Variants in EPB41L4A observed in about 807,000 individuals in gnomAD.
The protein encoded by EPB41L4A is erythrocyte membrane protein band 4.1 like 4A, also known as band 4.1-like protein 4A.
Under a neutral mutation model 108.6 loss-of-function variants are expected in EPB41L4A, and 100 were observed. The observed-to-expected ratio is 0.92, with a 90% CI of 0.78 to 1.09. EPB41L4A has a LOEUF of 1.09. Ranked by LOEUF, EPB41L4A falls within the 50% of genes least tolerant of loss-of-function variation. EPB41L4A has a pLI of 0.00. For synonymous variants in EPB41L4A, 319 were observed against 289.0 expected, an observed-to-expected ratio of 1.10 and a Z score of -1.05; for missense variants, 1,030 against 842.7, an observed-to-expected ratio of 1.22 and a Z score of -2.75.
chr5:112,356,604 A>G (rs1482260253), intron 1 of EPB41L4A, among the ~76,000 whole-genome samples: 1 of 152,208 alleles, frequency 6.6e-6, no homozygotes, highest in Non-Finnish European at 1.5e-5. Context: ...CTTCTGCATT[A>G]TTGCCCAGAG....
chr5:112,375,129 G>T (rs976302669), intron 1 of EPB41L4A, among the ~76,000 whole-genome samples: 2 of 152,130 alleles, frequency 1.3e-5, no homozygotes, highest in Non-Finnish European at 2.9e-5. Flanking sequence ...TCCACTGGGT[G>T]ACTTTAAAGG....
At chr5:112,153,584 G>C (rs563083018) in intron 12 of EPB41L4A, among the ~76,000 whole-genome samples, 2 of 147,292 alleles carry the variant, frequency 1.4e-5, no homozygotes, top group Admixed American at 6.8e-5. Flanking sequence ...TATAGAGAGA[G>C]AGAGAGAGAG....
chr5:112,199,174 G>A (rs1419304896), intron 15 of EPB41L4A, among the ~76,000 whole-genome samples: 1 of 152,308 alleles, frequency 6.6e-6, no homozygotes, highest in East Asian at 1.9e-4. Flanking sequence ...TTCCTGCAGT[G>A]AGATTCTCTA....
intron 1 of EPB41L4A, among the ~76,000 whole-genome samples, chr5:112,329,939 G>A (rs1580698556): frequency 6.6e-6 from 1 of 152,046 alleles, no homozygotes; most frequent in East Asian, 1.9e-4. Flanking sequence ...TGTGACTGTC[G>A]GCAAGTCTGC....
Position 112,240,836 on chromosome 5 carries a change from T to C in EPB41L4A, c.796-26A>G, listed in dbSNP as rs201136734. On this transcript the variant is annotated intron_variant, in intron 9 of 22. Transcript: ENST00000261486. ...CTAAGAGAGAAAGAGAGACAGAATATGAATAATGACCAGGGAAGGAAGATA... is the reference window on the plus strand; with the variant it reads ...CTAAGAGAGAAAGAGAGACAGAATACGAATAATGACCAGGGAAGGAAGATA... 2.2e-4 allele frequency: 303 copies of C among 1,407,120 alleles called. 1 individual carries two copies. The East Asian group carries it at 6.5e-3, about 30-fold the overall frequency. The allele number at this position is 1,407,120 out of a possible 1,614,324, so 87.2% of individuals were successfully genotyped here. A position where few individuals can be genotyped will look rare whatever the true frequency, so the allele number is the denominator to read the frequency against.
Position 112,195,673 on chromosome 5 carries a change from T to C in EPB41L4A, c.1412A>G (p.Lys471Arg). Residue 471 changes from lysine to arginine, a missense_variant, in exon 16 of 23, where the codon AAG becomes AGG. Lys to Arg is a conservative substitution (Grantham distance 26, BLOSUM62 2). Transcript: ENST00000261486. ...TTTGTTTTTTTACCTCCTCCTTTGC[T>C]TAAGATCTGAATCTTCACCACTGTT... ...AHNSGEDSDL[K>R]QRRRSRSRCN... 1 of 1,613,804 alleles carries C rather than the reference T, an allele frequency of 6.2e-7. No individual in the cohort carries two copies. The highest frequency in any genetic ancestry group is 8.5e-7 in the Non-Finnish European group (1 of 1,179,754).
chr5:112,237,969 T>A (rs1231253407), intron 11 of EPB41L4A, among the ~76,000 whole-genome samples: 2 of 152,236 alleles, frequency 1.3e-5, no homozygotes, highest in Non-Finnish European at 2.9e-5. Context: ...AAATGATACT[T>A]AATATGCAAA....
intron 18 of EPB41L4A, chr5:112,173,450 G>A (rs563262844): frequency 6.6e-6 from 1 of 151,908 alleles, no homozygotes; most frequent in Non-Finnish European, 1.5e-5. Context: ...TGCTGGTATT[G>A]CAGGTAATTT....
chr5:112,238,993 C>G (rs1454390848), intron 11 of EPB41L4A, among the ~76,000 whole-genome samples: 2 of 152,216 alleles, frequency 1.3e-5, no homozygotes, highest in African/African-American at 2.4e-5. Context: ...TGGTTATAAA[C>G]ATGAGCTCTG....
At position 112,234,714 on chromosome 5, in the gene EPB41L4A, T is replaced by C. The variant is rs201510682; in HGVS notation, c.1007A>G (p.Gln336Arg). ...ALQMSRDLSI[Q>R]LPRPDQNVTR... ...CACATTCTGATCAGGCCGGGGAAGC[T>C]GAATAGAAAGATCTCGGCTCATTTG... is the stretch of plus-strand genomic sequence containing the variant. The change falls in exon 12 of 23, where the codon CAG (glutamine) becomes CGG (arginine). Residue 336 changes from glutamine (Q) to arginine (R), a missense_variant. By Grantham distance (43) the Gln-to-Arg change is conservative. Coordinates refer to ENST00000261486, the MANE Select transcript of EPB41L4A (RefSeq NM_022140.5). The C allele has an allele frequency of 1.7e-5, 28 of 1,613,168 alleles. No individual in the cohort carries two copies. The highest frequency in any genetic ancestry group is 2.4e-5 in the Non-Finnish European group (28 of 1,179,334).
At chr5:112,283,393 CA>C (rs1334259622) in intron 2 of EPB41L4A, among the ~76,000 whole-genome samples, 1 of 152,142 alleles carries the variant, frequency 6.6e-6, no homozygotes, top group Non-Finnish European at 1.5e-5. Flanking sequence ...TACGTTCAAC[CA>C]AGGGAAAGAT....
At chr5:112,362,282 GTT>G (rs34273954) in intron 1 of EPB41L4A, among the ~76,000 whole-genome samples, 17 of 134,678 alleles carry the variant, frequency 1.3e-4, no homozygotes, top group Middle Eastern at 3.9e-3. Context: ...GAGCATTAAT[GTT>G]TTTTTTTTTT....
At chr5:112,144,501 T>C (rs1759177636) in intron 13 of EPB41L4A, among the ~76,000 whole-genome samples, 1 of 152,146 alleles carries the variant, frequency 6.6e-6, no homozygotes. Context: ...GGTCTTGAAC[T>C]CCTGGGCCCA....
chr5:112,239,920 T>TA (rs1749653282), intron 10 of EPB41L4A, among the ~76,000 whole-genome samples, 183 bp from the exon 11 acceptor site: 1 of 152,190 alleles, frequency 6.6e-6, no homozygotes, highest in South Asian at 2.1e-4. Context: ...TGTTTCCATT[T>TA]AAAAAACAAA....
chr5:112,280,301 G>C lies in EPB41L4A; in HGVS notation c.227C>G (p.Thr76Ser). ...HQTYWLDPAK[T>S]LAEHKELINT... ...GATCAGTTCTTTGTGTTCAGCAAGGGTTTTTGCAGGATCCAGCCAATACTG... is the reference window on the plus strand; with the variant it reads ...GATCAGTTCTTTGTGTTCAGCAAGGCTTTTTGCAGGATCCAGCCAATACTG... Residue 76 changes from threonine (T) to serine (S), a missense_variant, in exon 3 of 23, where the codon ACC becomes AGC. Transcript: ENST00000261486. 6.2e-7 allele frequency: 1 copy of C among 1,614,046 alleles called. No individual in the cohort carries two copies. The highest frequency in any genetic ancestry group is 8.5e-7 in the Non-Finnish European group (1 of 1,179,932).
chr5:112,357,479 C>T (rs1758434015), intron 1 of EPB41L4A, among the ~76,000 whole-genome samples: 1 of 152,206 alleles, frequency 6.6e-6, no homozygotes, highest in African/African-American at 2.4e-5. Context: ...TACAACCACA[C>T]CTGTGGCTTC....
At chr5:112,382,080 A>T (rs1580796698) in intron 1 of EPB41L4A, among the ~76,000 whole-genome samples, 1 of 152,256 alleles carries the variant, frequency 6.6e-6, no homozygotes, top group East Asian at 1.9e-4. Flanking sequence ...TCAAATTTTT[A>T]TTTAAAAACT....
At chr5:112,212,040 A>G (rs1247470543) in intron 12 of EPB41L4A, among the ~76,000 whole-genome samples, 1 of 152,210 alleles carries the variant, frequency 6.6e-6, no homozygotes. Context: ...AACACAACCA[A>G]TTAATTCCCT....
At chr5:112,336,134 A>C (rs1334583958) in intron 1 of EPB41L4A, among the ~76,000 whole-genome samples, 2 of 152,208 alleles carry the variant, frequency 1.3e-5, no homozygotes, top group Non-Finnish European at 2.9e-5. Flanking sequence ...AGGGAAACAC[A>C]AGTGAAGGCA....
Sources: gnomAD v4.1 joint callset for allele counts (sites outside exome capture counted in the v4.1 genomes callset) on GRCh38, gnomAD v4.1.1 for gene constraint, MANE v1.5 for transcripts, NCBI Gene and HGNC (gene_info 2026-07-23, HGNC 2026-07-21) for gene names.